PPP4R2: variants seen among roughly 807,000 people sequenced by gnomAD.
The protein encoded by PPP4R2 is protein phosphatase 4 regulatory subunit 2, also known as serine/threonine-protein phosphatase 4 regulatory subunit 2.
A neutral mutation model predicts 47.2 loss-of-function variants in PPP4R2; 13 were observed. The ratio of observed to expected loss-of-function variants is 0.28; its 90% CI spans 0.18 to 0.44. PPP4R2 has a LOEUF of 0.44. Among genes scored for constraint, PPP4R2 ranks in the 20% least tolerant of loss-of-function variants. The probability of loss-of-function intolerance (pLI) is 1.00; values close to 1 mark genes in which losing one functional copy is unlikely to be tolerated. For synonymous variants in PPP4R2, 151 were observed against 163.3 expected (o/e 0.92, Z 0.57); for missense variants, 421 against 491.2 (o/e 0.86, Z 1.35).
rs1423954028 is a variant in PPP4R2 at position 73,042,526 on chromosome 3, A to G, written c.117-4660A>G. Among the ~76,000 whole-genome samples, 4 of 151,754 alleles carry G rather than the reference A, an allele frequency of 2.6e-5. No homozygotes were observed. In the East Asian group the frequency reaches 5.8e-4, roughly 22 times the overall value. ...AATACAGGTTTGTGCCACCACACCC[A>G]GCTAATTTTTGTATTTTTAGTAGAG... On this transcript the variant is annotated intron_variant, in intron 2 of 8. Transcript: ENST00000356692.
intron 2 of PPP4R2, among the ~76,000 whole-genome samples, chr3:73,022,058 G>C (rs962095839): frequency 1.3e-5 from 2 of 151,748 alleles, no homozygotes; most frequent in African/African-American, 2.4e-5. Context: ...CACCACTTCT[G>C]GGTAGTTTTT....
intron 8 of PPP4R2, 55 bp from the exon 9 acceptor site, chr3:73,065,342 T>G: frequency 6.7e-7 from 1 of 1,483,132 alleles, no homozygotes. Flanking sequence ...GAAACTTAAC[T>G]GTGGAGGTAT....
At chr3:73,013,779 C>T (rs11715338) in intron 2 of PPP4R2, among the ~76,000 whole-genome samples, 80,257 of 151,872 alleles carry the variant, frequency 0.53, 21,608 homozygotes, top group African/African-American at 0.62. Flanking sequence ...GGTGGGATTA[C>T]GGGCACGTGC....
chr3:73,022,844 ACT>A (rs1254468264), intron 2 of PPP4R2, among the ~76,000 whole-genome samples: 1 of 150,330 alleles, frequency 6.7e-6, no homozygotes, highest in African/African-American at 2.5e-5. Context: ...AATATTAATA[ACT>A]CTTGGAAGCC....
chr3:73,066,552 G>A lies in PPP4R2; in HGVS notation c.*830G>A, dbSNP rs1703000881. ...TTATGAGAAAATATGCTTTATCTTGGAAATTGTGTTCAAATGTTAGCTTAC... is the reference window on the plus strand; with the variant it reads ...TTATGAGAAAATATGCTTTATCTTGAAAATTGTGTTCAAATGTTAGCTTAC... On this transcript the variant is annotated 3_prime_UTR_variant, in exon 9 of 9. Transcript: ENST00000356692. 6.6e-6 allele frequency: 1 copy of A among 152,012 alleles called. No homozygotes were observed. Among genetic ancestry groups the A allele is most frequent in the Non-Finnish European group, 1.5e-5 (1 of 67,928 alleles). The allele number at this position is 152,012 out of a possible 1,614,324, so 9.4% of individuals were successfully genotyped here.
chr3:73,065,264 C>T (rs1215783446), intron 8 of PPP4R2, 123 bp downstream of exon 8: 3 of 1,298,584 alleles, frequency 2.3e-6, no homozygotes, highest in Non-Finnish European at 3.1e-6. Context: ...GGGCTTTTCT[C>T]CCACCTGTAT....
At chr3:73,030,182 TGATGTA>T (rs1204346529) in intron 2 of PPP4R2, among the ~76,000 whole-genome samples, 2 of 152,162 alleles carry the variant, frequency 1.3e-5, no homozygotes, top group African/African-American at 4.8e-5. Context: ...AATAAAAAGT[TGATGTA>T]GATGATAGGA....
chr3:73,013,118 T>C (rs953757794), intron 2 of PPP4R2, among the ~76,000 whole-genome samples: 12 of 152,134 alleles, frequency 7.9e-5, no homozygotes, highest in African/African-American at 2.9e-4. Flanking sequence ...CTTGTAAATA[T>C]TGTGTGTGGT....
At chr3:73,062,025 G>GT in intron 5 of PPP4R2, 1 of 1,254,420 alleles carries the variant, frequency 8.0e-7, no homozygotes, top group Non-Finnish European at 1.1e-6. Flanking sequence ...GCTCATGAAC[G>GT]TGAGGTATTT....
chr3:73,043,786 T>C (rs543305888), intron 2 of PPP4R2, among the ~76,000 whole-genome samples: 2 of 152,366 alleles, frequency 1.3e-5, no homozygotes, highest in South Asian at 2.1e-4. Flanking sequence ...CCATTTTAAC[T>C]ATTTGAAGTG....
chr3:73,011,687 A>G (rs2107226737), intron 2 of PPP4R2, among the ~76,000 whole-genome samples: 1 of 152,292 alleles, frequency 6.6e-6, no homozygotes, highest in African/African-American at 2.4e-5. Context: ...ACTATTTTCC[A>G]GTCACCTCAA....
At chr3:73,046,416 G>A (rs11928714) in intron 2 of PPP4R2, among the ~76,000 whole-genome samples, 7,803 of 152,166 alleles carry the variant, frequency 0.051, 645 homozygotes, top group African/African-American at 0.18. Context: ...GTCTGCCTGA[G>A]GAAATGGTTA....
intron 2 of PPP4R2, among the ~76,000 whole-genome samples, chr3:73,019,454 A>C (rs929751548): frequency 6.6e-6 from 1 of 152,034 alleles, no homozygotes; most frequent in Admixed American, 6.5e-5. Context: ...GCTCACTGCA[A>C]CCTCCTCCTC....
intron 2 of PPP4R2, among the ~76,000 whole-genome samples, chr3:73,013,153 G>A (rs1288444635): frequency 2.0e-5 from 3 of 151,934 alleles, no homozygotes; most frequent in Non-Finnish European, 4.4e-5. Context: ...TGTTGCTTTT[G>A]GTAGGATATG....
At chr3:73,004,659 G>A (rs1027383412) in intron 2 of PPP4R2, among the ~76,000 whole-genome samples, 5 of 151,882 alleles carry the variant, frequency 3.3e-5, no homozygotes, top group Non-Finnish European at 5.9e-5. Flanking sequence ...CTGGTCTCCT[G>A]AGCTTGAACT....
At chr3:73,007,589 A>G (rs1338323415) in intron 2 of PPP4R2, among the ~76,000 whole-genome samples, 2 of 151,760 alleles carry the variant, frequency 1.3e-5, no homozygotes, top group Non-Finnish European at 2.9e-5. Context: ...CCCAGGTTCA[A>G]GCGATTCTCC....
At chr3:73,006,535 G>A (rs1389543038) in intron 2 of PPP4R2, among the ~76,000 whole-genome samples, 4 of 152,156 alleles carry the variant, frequency 2.6e-5, no homozygotes, top group African/African-American at 9.7e-5. Flanking sequence ...TTGGTTTTGT[G>A]AAGTGTTTTA....
At chr3:72,997,133 T>A in intron 1 of PPP4R2, 62 bp downstream of exon 1, 1 of 1,252,500 alleles carries the variant, frequency 8.0e-7, no homozygotes, top group East Asian at 3.1e-5. Context: ...TTCTCTCCTT[T>A]CAGGGCGGAT....
At chr3:73,023,035 T>G (rs551080791) in intron 2 of PPP4R2, among the ~76,000 whole-genome samples, 1 of 152,288 alleles carries the variant, frequency 6.6e-6, no homozygotes, top group South Asian at 2.1e-4. Flanking sequence ...TGCTCAGAAG[T>G]TCAGATCATT....
Sources: gnomAD v4.1 joint callset for allele counts (sites outside exome capture counted in the v4.1 genomes callset) on GRCh38, gnomAD v4.1.1 for gene constraint, MANE v1.5 for transcripts, NCBI Gene and HGNC (gene_info 2026-07-23, HGNC 2026-07-21) for gene names.